The following WDSUB1 variants were observed in gnomAD, a reference collection of about 807,000 sequenced individuals.
The protein encoded by WDSUB1 is WD repeat, sterile alpha motif and U-box domain containing 1, also known as WD repeat, SAM and U-box domain-containing protein 1.
WDSUB1 carries 49 observed loss-of-function variants against 53.9 expected under a neutral mutation model. The observed-to-expected ratio is 0.91, with a 90% CI of 0.72 to 1.15. The LOEUF (loss-of-function observed/expected upper bound fraction) is 1.15, where lower values mean the gene tolerates loss of function less well. Ranked by LOEUF, WDSUB1 falls within the 50% of genes most tolerant of loss-of-function variation. WDSUB1 has a pLI of 0.00. For missense variants in WDSUB1, 514 were observed against 562.0 expected (o/e 0.91, Z 0.86); for synonymous variants, 194 against 200.6 (o/e 0.97, Z 0.28).
chr2:159,267,247 A>G (rs749852581), intron 5 of WDSUB1, among the ~76,000 whole-genome samples: 6 of 151,700 alleles, frequency 4.0e-5, no homozygotes, highest in Non-Finnish European at 8.8e-5. Context: ...GCCTTTTCCA[A>G]GGCCACCCCT....
chr2:159,284,970 G>A (rs2061755845), intron 1 of WDSUB1, among the ~76,000 whole-genome samples: 1 of 152,054 alleles, frequency 6.6e-6, no homozygotes, highest in Admixed American at 6.5e-5. Flanking sequence ...CCTCAGAGAC[G>A]GTTTCCCTAT....
At chr2:159,282,647 A>C (rs757918261) in intron 2 of WDSUB1, 25 bp downstream of exon 2, 1 of 1,587,494 alleles carries the variant, frequency 6.3e-7, no homozygotes, top group East Asian at 2.3e-5. Context: ...CAGGATTAAA[A>C]CAGGAAGGAT....
rs1385151140 is a variant in WDSUB1 at position 159,256,362 on chromosome 2, T to C, written c.966A>G (p.Glu322=). Residue 322 remains glutamate (E), a synonymous_variant, in exon 9 of 11, where the codon GAA becomes GAG. Coordinates refer to ENST00000359774, the MANE Select transcript of WDSUB1 (RefSeq NM_001128212.3). Reference sequence around the variant, plus strand: ...CTTCGGTAAATTGCTTCAGCTGATGTTCTGTGCGCCTTGCTTAAAATAAAC... The same window carrying C: ...CTTCGGTAAATTGCTTCAGCTGATGCTCTGTGCGCCTTGCTTAAAATAAAC... The part of the protein sequence containing the change: ...LETLCQARRT[E]HQLKQFTEDW... 2 of 1,610,724 alleles carry C rather than the reference T, an allele frequency of 1.2e-6. No homozygotes were observed. The highest frequency in any genetic ancestry group is 2.2e-5 in the East Asian group (1 of 44,806).
chr2:159,249,015 T>C (rs976292631), intron 9 of WDSUB1, among the ~76,000 whole-genome samples: 6 of 152,328 alleles, frequency 3.9e-5, no homozygotes, highest in African/African-American at 1.4e-4. Context: ...TTGTATAGAA[T>C]ACTGTTGGTT....
At chr2:159,283,157 A>G in intron 1 of WDSUB1, 64 bp from the exon 2 acceptor site, 2 of 1,401,184 alleles carry the variant, frequency 1.4e-6, no homozygotes, top group Non-Finnish European at 1.9e-6. Context: ...ATTTGAGTCT[A>G]TATAAAAGGG....
In WDSUB1 at chr2:159,282,929, A is replaced by T. The variant is rs201082066; in HGVS notation, c.141T>A (p.His47Gln). The T allele has an allele frequency of 2.5e-6, 4 of 1,614,112 alleles. No individual in the cohort carries two copies. In the East Asian group the frequency reaches 8.9e-5, roughly 36 times the overall value. ...CATAGGTATGAAACTTCAATGGAGA[A>T]TGTGGCAGTTCAGTAAAGTCACGTA... ...YSLRDFTELP[H>Q]SPLKFHTYAV... The change falls in exon 2 of 11, where the codon CAT (histidine) becomes CAA (glutamine). Residue 47 changes from histidine to glutamine, a missense_variant. By Grantham distance (24) the His-to-Gln change is conservative. Transcript: ENST00000359774.
intron 10 of WDSUB1, among the ~76,000 whole-genome samples, chr2:159,247,768 A>G (rs538283956): frequency 7.3e-5 from 11 of 150,570 alleles, no homozygotes; most frequent in East Asian, 2.0e-4. Context: ...GTCAAACACA[A>G]TGTATCATAC....
chr2:159,236,644 G>GACTT (rs1344071331), intron 10 of WDSUB1, among the ~76,000 whole-genome samples: 5 of 150,214 alleles, frequency 3.3e-5, no homozygotes, highest in African/African-American at 1.0e-4. Context: ...ACAGCGAAGG[G>GACTT]ACTTAGGTTT....
intron 2 of WDSUB1, among the ~76,000 whole-genome samples, chr2:159,282,221 CT>C (rs2061680638): frequency 6.6e-6 from 1 of 151,692 alleles, no homozygotes; most frequent in African/African-American, 2.4e-5. Flanking sequence ...GAGACGGAGA[CT>C]CGGTCTGTCA....
intron 10 of WDSUB1, among the ~76,000 whole-genome samples, chr2:159,245,272 A>G (rs1281708525): frequency 6.6e-6 from 1 of 152,206 alleles, no homozygotes; most frequent in African/African-American, 2.4e-5. Flanking sequence ...CATGCTTGTA[A>G]TACCAGCACT....
intron 9 of WDSUB1, among the ~76,000 whole-genome samples, chr2:159,254,315 A>T (rs182642475): frequency 3.4e-4 from 52 of 152,190 alleles, no homozygotes; most frequent in African/African-American, 1.1e-3. Context: ...ATCCTAGCAC[A>T]TTGGGAGGCC....
chr2:159,261,888 ATATATATATTTTTTTTTTTTTTTTT>A (rs1291605195), intron 5 of WDSUB1, among the ~76,000 whole-genome samples: 42 of 14,174 alleles, frequency 3.0e-3, no homozygotes, highest in Non-Finnish European at 3.4e-3. Context: ...ATATATATAT[ATATATATATTTTTTTTTTTTTTTTT>A]TTTTTTTTTT....
intron 9 of WDSUB1, among the ~76,000 whole-genome samples, chr2:159,249,601 C>T (rs1433411905): frequency 6.6e-6 from 1 of 152,140 alleles, no homozygotes; most frequent in African/African-American, 2.4e-5. Flanking sequence ...TCCTTGGAAG[C>T]TAGAGATAGT....
chr2:159,282,013 A>G (rs751402406), intron 2 of WDSUB1, among the ~76,000 whole-genome samples: 1 of 152,164 alleles, frequency 6.6e-6, no homozygotes, highest in Non-Finnish European at 1.5e-5. Flanking sequence ...ACAAGTGACA[A>G]AAATAAAGCC....
At chr2:159,279,195 G>A (rs544983688) in intron 3 of WDSUB1, among the ~76,000 whole-genome samples, 4 of 152,166 alleles carry the variant, frequency 2.6e-5, no homozygotes, top group Admixed American at 6.5e-5. Context: ...CCACTAACAC[G>A]GAAAATGAAA....
intron 5 of WDSUB1, among the ~76,000 whole-genome samples, chr2:159,262,332 A>G (rs1001796623): frequency 5.3e-5 from 8 of 152,136 alleles, no homozygotes; most frequent in Non-Finnish European, 8.8e-5. Context: ...GTAAGGCTGA[A>G]AACACAGCCC....
Position 159,256,298 on chromosome 2 carries a change from G to C in WDSUB1, c.1030C>G (p.Gln344Glu). 6.2e-7 allele frequency: 1 copy of C among 1,612,164 alleles called. No individual in the cohort carries two copies. The highest frequency in any genetic ancestry group is 1.1e-5 in the South Asian group (1 of 90,576). ...ATACCAACAAGATCTTTTAAATCTT[G>C]TGCACAAAGCCATGTTGAGACATCC... ...EEDVSTWLCA[Q>E]DLKDLVGIFK... The change falls in exon 9 of 11, where the codon CAA (glutamine) becomes GAA (glutamate). Residue 344 changes from glutamine (Q) to glutamate (E), a missense_variant. Gln to Glu is a conservative substitution (Grantham distance 29). Transcript: ENST00000359774.
At chr2:159,239,051 G>C (rs2060569115) in intron 10 of WDSUB1, among the ~76,000 whole-genome samples, 1 of 152,080 alleles carries the variant, frequency 6.6e-6, no homozygotes, top group African/African-American at 2.4e-5. Context: ...ACCCAGGCTA[G>C]AGTCCAGTGA....
chr2:159,247,784 C>T (rs979762466), intron 10 of WDSUB1, among the ~76,000 whole-genome samples: 3 of 149,040 alleles, frequency 2.0e-5, no homozygotes, highest in Admixed American at 7.0e-5. Flanking sequence ...CATACAGCCA[C>T]AATGGGATAA....
Sources: allele counts gnomAD v4.1 joint callset (sites outside exome capture counted in the v4.1 genomes callset), GRCh38; gene constraint gnomAD v4.1.1; transcripts MANE v1.5; gene names NCBI Gene and HGNC (gene_info 2026-07-23, HGNC 2026-07-21).